The following PIK3CD variants were observed in gnomAD, a reference collection of about 807,000 sequenced individuals.
The protein encoded by PIK3CD is phosphatidylinositol 4,5-bisphosphate 3-kinase catalytic subunit delta isoform.
In PIK3CD, 20 loss-of-function variants were observed where a neutral mutation model predicts 122.9. That is an observed-to-expected ratio of 0.16 (90% CI 0.11 to 0.24). The LOEUF (loss-of-function observed/expected upper bound fraction) is 0.24, where lower values mean the gene tolerates loss of function less well. Among genes scored for constraint, PIK3CD ranks in the 10% least tolerant of loss-of-function variants. PIK3CD has a pLI of 1.00. For missense variants in PIK3CD, 787 were observed against 1,406.3 expected, an observed-to-expected ratio of 0.56 and a Z score of 7.04; for synonymous variants, 596 against 593.4, an observed-to-expected ratio of 1.00 and a Z score of -0.06.
intron 1 of PIK3CD, among the ~76,000 whole-genome samples, chr1:9,655,333 A>G (rs928981040): frequency 6.6e-6 from 1 of 152,232 alleles, no homozygotes. Context: ...CTCTCCCTAC[A>G]GTTAACGCTA....
chr1:9,655,720 C>T (rs1449787048), intron 1 of PIK3CD, among the ~76,000 whole-genome samples: 9 of 125,082 alleles, frequency 7.2e-5, no homozygotes, highest in Non-Finnish European at 1.4e-4. Context: ...TTTTTTGAGA[C>T]GGAGTCTCGC....
intron 23 of PIK3CD, among the ~76,000 whole-genome samples, chr1:9,725,532 G>A (rs1649398006): frequency 6.6e-6 from 1 of 151,726 alleles, no homozygotes; most frequent in African/African-American, 2.4e-5. Context: ...TCCAGCCTGG[G>A]CAGCAGGAGC....
chr1:9,647,479 CTAATTATTATTATTA>C (rs1455340338), upstream of PIK3CD, among the ~76,000 whole-genome samples: 8 of 108,130 alleles, frequency 7.4e-5, no homozygotes, highest in Non-Finnish European at 1.5e-4. Context: ...ATTCATGATT[CTAATTATTATTATTA>C]TTATTATTAT....
chr1:9,723,890 G>C lies in PIK3CD; in HGVS notation c.2595-79G>C. On this transcript the variant is annotated intron_variant, in intron 20 of 23. Coordinates refer to ENST00000377346, the MANE Select transcript of PIK3CD (RefSeq NM_005026.5). The surrounding 1 kb of genome is among the most constrained non-coding windows in gnomAD (Gnocchi z 4.9). ...CAAGTCACAGGGCCAGATTCAAGGGGAGAGGGAGTAATAACCCACCTCTTG... is the reference window on the plus strand; with the variant it reads ...CAAGTCACAGGGCCAGATTCAAGGGCAGAGGGAGTAATAACCCACCTCTTG... 1 of 1,312,358 alleles carries C rather than the reference G, an allele frequency of 7.6e-7. No homozygotes were observed. The highest frequency in any genetic ancestry group is 1.2e-5 in the South Asian group (1 of 83,064). The allele number at this position is 1,312,358 out of a possible 1,614,324, so 81.3% of individuals were successfully genotyped here.
At chr1:9,713,766 TTTA>T (rs916809679) in intron 3 of PIK3CD, among the ~76,000 whole-genome samples, 4 of 151,118 alleles carry the variant, frequency 2.6e-5, no homozygotes, top group East Asian at 1.9e-4. Context: ...AATTTTATTT[TTTA>T]TTATTATTAT....
chr1:9,686,371 T>C (rs1473321081), intron 1 of PIK3CD, among the ~76,000 whole-genome samples: 2 of 151,916 alleles, frequency 1.3e-5, no homozygotes, highest in Non-Finnish European at 1.5e-5. Context: ...TTTTCTTTTT[T>C]TTTTTTTTTT....
the PIK3CD span, among the ~76,000 whole-genome samples, chr1:9,640,528 G>A: frequency 9.2e-5 from 14 of 151,778 alleles, no homozygotes; most frequent in East Asian, 2.5e-3. Flanking sequence ...GTAGTGAGCC[G>A]AGACTGTGCC....
At chr1:9,686,960 C>T (rs1645987230) in intron 1 of PIK3CD, among the ~76,000 whole-genome samples, 2 of 152,186 alleles carry the variant, frequency 1.3e-5, no homozygotes, top group Non-Finnish European at 2.9e-5. Context: ...AGGTCTCTAT[C>T]TTTTTAGAGT....
intron 1 of PIK3CD, 131 bp from the exon 2 acceptor site, chr1:9,691,336 T>C (rs1284090695): frequency 1.5e-5 from 6 of 388,022 alleles, no homozygotes; most frequent in Non-Finnish European, 2.7e-5. Context: ...ATGTGATTGG[T>C]TTGCAAAAAG....
In PIK3CD at chr1:9,678,201, C is replaced by T. The variant is rs577804170; in HGVS notation, c.-137-13266C>T. ...AAATCCGGCCGGGCACTGTGGCTCTCACCTGTAGTCCTAGTACTTTGGGAG... is the reference window on the plus strand; with the variant it reads ...AAATCCGGCCGGGCACTGTGGCTCTTACCTGTAGTCCTAGTACTTTGGGAG... On this transcript the variant is annotated intron_variant, in intron 1 of 23. Transcript: ENST00000377346. 9.2e-5 allele frequency among the ~76,000 whole-genome samples: 14 copies of T among 151,826 alleles called. 1 individual carries two copies. The highest frequency in any genetic ancestry group is 2.9e-4 in the African/African-American group (12 of 41,436).
chr1:9,664,241 G>T (rs1645095867), intron 1 of PIK3CD, among the ~76,000 whole-genome samples: 1 of 151,930 alleles, frequency 6.6e-6, no homozygotes, highest in Non-Finnish European at 1.5e-5. Flanking sequence ...TAGAGACAGG[G>T]TTTCACCATG....
At position 9,728,666 on chromosome 1, in the gene PIK3CD, G is replaced by A. The variant is rs1324648628; in HGVS notation, c.*1620G>A. 6.6e-6 allele frequency: 1 copy of A among 152,278 alleles called. No homozygotes were observed. The highest frequency in any genetic ancestry group is 1.5e-5 in the Non-Finnish European group (1 of 68,050). The allele number at this position is 152,278 out of a possible 1,614,324, so 9.4% of individuals were successfully genotyped here. A position where few individuals can be genotyped will look rare whatever the true frequency, so the allele number is the denominator to read the frequency against. ...GACCGTCTGCCTGTTTCGAAATGGG[G>A]AAAGCCGTGCGTGCGCGTTATTTAT... On this transcript the variant is annotated 3_prime_UTR_variant, in exon 24 of 24. Transcript: ENST00000377346.
At chr1:9,648,721 G>A (rs953583237), upstream of PIK3CD, among the ~76,000 whole-genome samples, 11 of 152,236 alleles carry the variant, frequency 7.2e-5, no homozygotes, top group South Asian at 2.1e-4. Context: ...CAGGCCCAAC[G>A]TTCCTTCCAA....
At position 9,720,416 on chromosome 1, in the gene PIK3CD, C is replaced by T; in HGVS notation, c.1470+174C>T. 1.4e-6 allele frequency: 2 copies of T among 1,384,662 alleles called. No homozygotes were observed. Among genetic ancestry groups the T allele is most frequent in the East Asian group, 2.5e-5 (1 of 39,666 alleles). 85.8% of individuals were successfully genotyped at this position (1,384,662 alleles called of 1,614,324 possible). A position where few individuals can be genotyped will look rare whatever the true frequency, so the allele number is the denominator to read the frequency against. On this transcript the variant is annotated intron_variant, in intron 11 of 23. Coordinates refer to ENST00000377346, the MANE Select transcript of PIK3CD (RefSeq NM_005026.5). This position sits in a 1 kb window ranked among gnomAD's most constrained non-coding sequence, Gnocchi z 9.0. Reference sequence around the variant, plus strand: ...GCAGGGATGCTGCGCAGTCTGATGACATTTTCGGTTGTCACAGCTGCCAGG... The same window carrying T: ...GCAGGGATGCTGCGCAGTCTGATGATATTTTCGGTTGTCACAGCTGCCAGG...
rs537606015 is a variant in PIK3CD, at chr1:9,690,509, G to T, written c.-137-958G>T. On this transcript the variant is annotated intron_variant, in intron 1 of 23. Transcript: ENST00000377346. Reference sequence around the variant, plus strand: ...GGAAGGGATTTCTTCCTTAGCCTTTGGTGCTGACCTCCTGTTTCTCTGGTG... The same window carrying T: ...GGAAGGGATTTCTTCCTTAGCCTTTTGTGCTGACCTCCTGTTTCTCTGGTG... 1.2e-4 allele frequency among the ~76,000 whole-genome samples: 19 copies of T among 152,276 alleles called. No homozygotes were observed. In the East Asian group the frequency reaches 3.5e-3, roughly 28 times the overall value.
intron 1 of PIK3CD, among the ~76,000 whole-genome samples, chr1:9,676,483 G>A (rs1202452273): frequency 6.6e-6 from 1 of 152,216 alleles, no homozygotes; most frequent in African/African-American, 2.4e-5. Flanking sequence ...CAGTTGGCCT[G>A]GGGTGGTGCC....
chr1:9,640,409 A>T, the PIK3CD span, among the ~76,000 whole-genome samples: 1 of 151,908 alleles, frequency 6.6e-6, no homozygotes, highest in East Asian at 1.9e-4. Context: ...GTAAAACCTC[A>T]TCTCTCCTAA....
chr1:9,655,538 C>G (rs1557589963), intron 1 of PIK3CD, among the ~76,000 whole-genome samples: 1 of 148,880 alleles, frequency 6.7e-6, no homozygotes, highest in Non-Finnish European at 1.5e-5. Context: ...AGGGCCAGCA[C>G]AGTCCCTAGG....
At chr1:9,674,560 G>T (rs1431494831) in intron 1 of PIK3CD, among the ~76,000 whole-genome samples, 1 of 151,736 alleles carries the variant, frequency 6.6e-6, no homozygotes, top group Non-Finnish European at 1.5e-5. Flanking sequence ...TGTGGTGGTG[G>T]GTGTCTGTAA....
Sources: gnomAD v4.1 joint callset for allele counts (sites outside exome capture counted in the v4.1 genomes callset) on GRCh38, gnomAD v4.1.1 for gene constraint, Gnocchi (gnomAD v3.1) non-coding constraint, MANE v1.5 for transcripts, NCBI Gene and HGNC (gene_info 2026-07-23, HGNC 2026-07-21) for gene names.